The following NRXN3 variants were observed in gnomAD, a reference collection of about 807,000 sequenced individuals.
The protein encoded by NRXN3 is neurexin III.
Under a neutral mutation model 137.6 loss-of-function variants are expected in NRXN3, and 32 were observed. The observed-to-expected ratio is 0.23, with a 90% CI of 0.18 to 0.31. NRXN3 has a LOEUF of 0.31. Among genes scored for constraint, NRXN3 ranks in the 10% least tolerant of loss-of-function variants. The probability of loss-of-function intolerance (pLI) is 1.00; values close to 1 mark genes in which losing one functional copy is unlikely to be tolerated. For missense variants in NRXN3, 1,574 were observed against 2,062.5 expected (o/e 0.76, Z 4.59); for synonymous variants, 798 against 784.5 (o/e 1.02, Z -0.29).
chr14:78,173,636 C>T (rs766339250), intron 1 of NRXN3, among the ~76,000 whole-genome samples: 1 of 144,040 alleles, frequency 6.9e-6, no homozygotes, highest in Admixed American at 7.0e-5. Flanking sequence ...CCCCCTTCCT[C>T]CAGCCCTTTC....
At chr14:78,482,331 A>G (rs1004953718) in intron 4 of NRXN3, among the ~76,000 whole-genome samples, 7 of 152,206 alleles carry the variant, frequency 4.6e-5, no homozygotes, top group African/African-American at 1.7e-4. Context: ...GAGGTAGACA[A>G]TGATTCTTGC....
intron 15 of NRXN3, among the ~76,000 whole-genome samples, chr14:79,153,476 T>A (rs937014499): frequency 7.1e-6 from 1 of 140,006 alleles, no homozygotes; most frequent in Non-Finnish European, 1.5e-5. Context: ...TTACATTTGA[T>A]CCACCCATTG....
intron 16 of NRXN3, among the ~76,000 whole-genome samples, chr14:79,580,663 G>A (rs1004453980): frequency 6.6e-6 from 1 of 152,088 alleles, no homozygotes; most frequent in Non-Finnish European, 1.5e-5. Context: ...TCTTTGGTGT[G>A]TAGGAAGAGC....
chr14:79,150,910 C>T (rs2059742430), intron 15 of NRXN3, among the ~76,000 whole-genome samples: 1 of 152,004 alleles, frequency 6.6e-6, no homozygotes, highest in Non-Finnish European at 1.5e-5. Context: ...TCCAAAGGTC[C>T]AGTGCAGCAG....
intron 16 of NRXN3, among the ~76,000 whole-genome samples, chr14:79,633,828 T>C (rs1464612732): frequency 6.6e-6 from 1 of 152,176 alleles, no homozygotes; most frequent in Admixed American, 6.5e-5. Context: ...CCATCACTTC[T>C]TGGGATGAGC....
chr14:78,211,916 C>T (rs546658900), intron 1 of NRXN3, among the ~76,000 whole-genome samples: 1 of 152,278 alleles, frequency 6.6e-6, no homozygotes, highest in South Asian at 2.1e-4. Context: ...TGTAGAACTT[C>T]CTCCCTACAG....
At chr14:78,202,956 G>T (rs2061817090) in intron 1 of NRXN3, among the ~76,000 whole-genome samples, 1 of 152,236 alleles carries the variant, frequency 6.6e-6, no homozygotes, top group Admixed American at 6.5e-5. Flanking sequence ...CCAGCAAGTA[G>T]AGATAGACAT....
intron 15 of NRXN3, among the ~76,000 whole-genome samples, chr14:79,332,783 G>A (rs926543067): frequency 1.3e-5 from 2 of 152,104 alleles, no homozygotes; most frequent in Non-Finnish European, 2.9e-5. Context: ...TATTCACAGC[G>A]TTCATTCTAG....
intron 15 of NRXN3, among the ~76,000 whole-genome samples, chr14:79,135,691 G>T (rs1290234414): frequency 2.6e-5 from 4 of 152,198 alleles, no homozygotes; most frequent in Admixed American, 6.5e-5. Context: ...GGCTGTTAAA[G>T]GAGCAAAGAT....
At chr14:79,083,345 T>G (rs546730359) in intron 15 of NRXN3, among the ~76,000 whole-genome samples, 4 of 152,340 alleles carry the variant, frequency 2.6e-5, no homozygotes, top group Admixed American at 2.6e-4. Flanking sequence ...AAAGGATCCC[T>G]GCCAGAAGCA....
intron 15 of NRXN3, among the ~76,000 whole-genome samples, chr14:79,055,475 G>A (rs1181143377): frequency 6.6e-6 from 1 of 152,154 alleles, no homozygotes; most frequent in Non-Finnish European, 1.5e-5. Context: ...GGGCAATTCT[G>A]TTAGGATCTG....
intron 19 of NRXN3, among the ~76,000 whole-genome samples, chr14:79,761,206 A>G (rs147369388): frequency 6.6e-6 from 1 of 151,780 alleles, no homozygotes; most frequent in African/African-American, 2.4e-5. Context: ...ACTAAGAAGC[A>G]TTTTGTCATC....
intron 19 of NRXN3, among the ~76,000 whole-genome samples, chr14:79,771,102 A>T (rs1426823417): frequency 6.6e-6 from 1 of 152,206 alleles, no homozygotes; most frequent in African/African-American, 2.4e-5. Context: ...GAATAGACGA[A>T]TAAGAGGAGC....
intron 4 of NRXN3, among the ~76,000 whole-genome samples, chr14:78,371,298 C>T (rs1360078315): frequency 1.3e-5 from 2 of 152,208 alleles, no homozygotes; most frequent in African/African-American, 4.8e-5. Context: ...GGCTTAGCTT[C>T]AGATGGCACA....
At chr14:79,487,785 C>T (rs1021163814) in intron 16 of NRXN3, among the ~76,000 whole-genome samples, 13 of 152,218 alleles carry the variant, frequency 8.5e-5, no homozygotes, top group African/African-American at 1.7e-4. Flanking sequence ...CTCCAGCTTT[C>T]GGTATCAGGG....
intron 16 of NRXN3, among the ~76,000 whole-genome samples, chr14:79,583,803 G>A (rs1268068529): frequency 1.3e-5 from 2 of 152,122 alleles, no homozygotes; most frequent in Non-Finnish European, 2.9e-5. Flanking sequence ...TAGAGGGAAC[G>A]ATGAACTCTC....
intron 10 of NRXN3, among the ~76,000 whole-genome samples, chr14:78,926,891 T>TATATATA (rs2099302793): frequency 3.4e-5 from 1 of 29,394 alleles, no homozygotes; most frequent in Admixed American, 6.1e-4. Flanking sequence ...TATATTTATA[T>TATATATA]ATATATATAA....
At chr14:79,199,050 C>G (rs111814327) in intron 15 of NRXN3, among the ~76,000 whole-genome samples, 1 of 152,076 alleles carries the variant, frequency 6.6e-6, no homozygotes, top group Admixed American at 6.6e-5. Flanking sequence ...GCCTGTAGTC[C>G]CAGCTACTCT....
At chr14:79,666,574 G>A (rs1002063499) in intron 17 of NRXN3, among the ~76,000 whole-genome samples, 2 of 152,030 alleles carry the variant, frequency 1.3e-5, no homozygotes, top group Non-Finnish European at 2.9e-5. Flanking sequence ...GCAAGTGAAG[G>A]AAGACCTAGG....
Sources: allele counts gnomAD v4.1 joint callset (sites outside exome capture counted in the v4.1 genomes callset), GRCh38; gene constraint gnomAD v4.1.1; transcripts MANE v1.5; gene names NCBI Gene and HGNC (gene_info 2026-07-23, HGNC 2026-07-21).